Variants in TTBK2 observed in about 807,000 individuals in gnomAD.
The protein encoded by TTBK2 is tau tubulin kinase 2, also known as tau-tubulin kinase 2.
TTBK2 carries 28 observed loss-of-function variants against 110.8 expected under a neutral mutation model. The ratio of observed to expected loss-of-function variants is 0.25; its 90% CI spans 0.19 to 0.35. The LOEUF (loss-of-function observed/expected upper bound fraction) is 0.35. TTBK2 is among the 10% of genes least tolerant of loss of function. The probability of loss-of-function intolerance (pLI) is 1.00; values close to 1 mark genes in which losing one functional copy is unlikely to be tolerated. For missense variants in TTBK2, 1,369 were observed against 1,500.3 expected (o/e 0.91, Z 1.45); for synonymous variants, 532 against 527.3 (o/e 1.01, Z -0.12).
At chr15:42,902,812 G>A (rs935453975) in intron 1 of TTBK2, among the ~76,000 whole-genome samples, 1 of 152,050 alleles carries the variant, frequency 6.6e-6, no homozygotes, top group Non-Finnish European at 1.5e-5. Context: ...GGGCAACGTG[G>A]CAAAACTGTC....
At chr15:42,779,136 C>T (rs969327425) in intron 11 of TTBK2, among the ~76,000 whole-genome samples, 10 of 152,176 alleles carry the variant, frequency 6.6e-5, no homozygotes, top group Middle Eastern at 3.4e-3. Flanking sequence ...CTGGGCGTGG[C>T]GGCTCACGCC....
At chr15:42,788,416 C>T (rs754626229) in intron 10 of TTBK2, among the ~76,000 whole-genome samples, 6 of 152,102 alleles carry the variant, frequency 3.9e-5, no homozygotes, top group African/African-American at 7.2e-5. Flanking sequence ...TACCTTACTA[C>T]GATCACGCTG....
At chr15:42,917,656 C>T (rs1332183803) in intron 1 of TTBK2, among the ~76,000 whole-genome samples, 2 of 150,568 alleles carry the variant, frequency 1.3e-5, no homozygotes, top group Non-Finnish European at 3.0e-5. Flanking sequence ...CTTCCACTAC[C>T]ACACATTGTT....
intron 1 of TTBK2, among the ~76,000 whole-genome samples, chr15:42,917,790 C>T (rs1371614399): frequency 1.3e-5 from 2 of 151,812 alleles, no homozygotes; most frequent in East Asian, 3.9e-4. Context: ...ACAGAAATAG[C>T]TCCAGCTACA....
intron 13 of TTBK2, among the ~76,000 whole-genome samples, chr15:42,768,358 A>G (rs1889488267): frequency 6.6e-6 from 1 of 152,238 alleles, no homozygotes; most frequent in South Asian, 2.1e-4. Flanking sequence ...GTATATTTAG[A>G]AAACCCCATC....
At chr15:42,824,665 T>C (rs1006010418) in intron 6 of TTBK2, among the ~76,000 whole-genome samples, 1 of 152,160 alleles carries the variant, frequency 6.6e-6, no homozygotes, top group Non-Finnish European at 1.5e-5. Context: ...GTATCTGTTA[T>C]GATGAGAACT....
chr15:42,861,922 G>C (rs1224925916), intron 3 of TTBK2, among the ~76,000 whole-genome samples: 1 of 152,128 alleles, frequency 6.6e-6, no homozygotes, highest in Non-Finnish European at 1.5e-5. Flanking sequence ...TGATCCCACG[G>C]AAGTACAAAA....
chr15:42,881,659 G>A (rs913596922), intron 1 of TTBK2, among the ~76,000 whole-genome samples: 1 of 151,988 alleles, frequency 6.6e-6, no homozygotes, highest in Non-Finnish European at 1.5e-5. Flanking sequence ...AGATCACAAG[G>A]TCAGGAGTTC....
intron 3 of TTBK2, chr15:42,857,541 C>G (rs1893991319): frequency 6.6e-6 from 1 of 151,788 alleles, no homozygotes; most frequent in South Asian, 2.1e-4. Context: ...AAAAAAAAGT[C>G]CATTCATTAA....
intron 6 of TTBK2, among the ~76,000 whole-genome samples, chr15:42,821,804 C>T (rs1311078574): frequency 6.6e-6 from 1 of 151,896 alleles, no homozygotes; most frequent in African/African-American, 2.4e-5. Context: ...ATTCTCCTGC[C>T]TCAGCCTCCC....
chr15:42,902,046 T>A (rs1253715066), intron 1 of TTBK2, among the ~76,000 whole-genome samples: 1 of 151,430 alleles, frequency 6.6e-6, no homozygotes, highest in African/African-American at 2.4e-5. Flanking sequence ...TGAAACCCCA[T>A]CTCTACTAAA....
At chr15:42,818,943 A>AAAAC (rs912114085) in intron 6 of TTBK2, among the ~76,000 whole-genome samples, 2 of 150,074 alleles carry the variant, frequency 1.3e-5, no homozygotes, top group East Asian at 2.0e-4. Context: ...AACAAAAAAC[A>AAAAC]AAACAAACAA....
chr15:42,798,634 C>T (rs917830414), intron 9 of TTBK2, among the ~76,000 whole-genome samples: 1 of 152,086 alleles, frequency 6.6e-6, no homozygotes, highest in African/African-American at 2.4e-5. Flanking sequence ...TTTAAATGAA[C>T]CTTTAAGATA....
intron 3 of TTBK2, 125 bp from the exon 4 acceptor site, chr15:42,840,558 A>G: frequency 1.1e-6 from 1 of 900,346 alleles, no homozygotes; most frequent in Non-Finnish European, 1.8e-6. Context: ...CCTTAAGGAT[A>G]GAAAACTTAT....
intron 9 of TTBK2, chr15:42,798,419 T>A: frequency 2.6e-6 from 1 of 386,822 alleles, no homozygotes; most frequent in South Asian, 2.0e-5. Flanking sequence ...AATACATTCT[T>A]AGAAAATACA....
At chr15:42,757,544 C>T (rs1000605698) in intron 13 of TTBK2, among the ~76,000 whole-genome samples, 4 of 152,176 alleles carry the variant, frequency 2.6e-5, no homozygotes, top group Admixed American at 1.3e-4. Context: ...CTCTCAAAGT[C>T]AGGGAAACTG....
chr15:42,918,651 G>C (rs571536518), intron 1 of TTBK2, among the ~76,000 whole-genome samples: 2 of 151,958 alleles, frequency 1.3e-5, no homozygotes, highest in Non-Finnish European at 2.9e-5. Context: ...AGTAAAATAC[G>C]CTCGAAAATG....
intron 3 of TTBK2, among the ~76,000 whole-genome samples, chr15:42,842,841 T>C (rs1893281609): frequency 6.6e-6 from 1 of 152,080 alleles, no homozygotes; most frequent in Admixed American, 6.6e-5. Context: ...ATGGGTGCAA[T>C]GGAGAACACA....
chr15:42,861,604 G>T (rs1030868684), intron 3 of TTBK2, among the ~76,000 whole-genome samples: 9 of 151,768 alleles, frequency 5.9e-5, no homozygotes, highest in African/African-American at 2.2e-4. Flanking sequence ...ATGTTAAGAG[G>T]AAAGTTTGTA....
Sources: gnomAD v4.1 joint callset for allele counts (sites outside exome capture counted in the v4.1 genomes callset) on GRCh38, gnomAD v4.1.1 for gene constraint, MANE v1.5 for transcripts, NCBI Gene and HGNC (gene_info 2026-07-23, HGNC 2026-07-21) for gene names.